The following LRP5 variants were observed in gnomAD, a reference collection of about 807,000 sequenced individuals.
LRP5 encodes the protein low-density lipoprotein receptor-related protein 5.
A neutral mutation model predicts 154.1 loss-of-function variants in LRP5; 62 were observed. That is an observed-to-expected ratio of 0.40 (90% CI 0.33 to 0.50). The LOEUF is 0.50. Among genes scored for constraint, LRP5 ranks in the 20% least tolerant of loss-of-function variants. The pLI is 0.55. For synonymous variants in LRP5, 966 were observed against 1,011.5 expected (o/e 0.96, Z 0.85); for missense variants, 1,915 against 2,336.7 (o/e 0.82, Z 3.72).
chr11:68,326,001 G>C (rs1455623619), intron 1 of LRP5, among the ~76,000 whole-genome samples: 1 of 152,242 alleles, frequency 6.6e-6, no homozygotes, highest in Non-Finnish European at 1.5e-5. Flanking sequence ...CTGAGAGGCT[G>C]CTTGGCCGAA....
chr11:68,307,389 G>A, the LRP5 span, among the ~76,000 whole-genome samples: 4 of 151,992 alleles, frequency 2.6e-5, no homozygotes, highest in Admixed American at 6.6e-5. Context: ...ATTATAGGCC[G>A]GGGGGTGGCT....
chr11:68,355,552 C>T (rs2098622491), intron 2 of LRP5, among the ~76,000 whole-genome samples: 1 of 152,210 alleles, frequency 6.6e-6, no homozygotes, highest in Non-Finnish European at 1.5e-5. Context: ...CCCCTCTGGT[C>T]TCCGCTGAGA....
In LRP5 at chr11:68,386,175, G is replaced by A. The variant is rs569496969; in HGVS notation, c.1016-141G>A. On this transcript the variant is annotated intron_variant, in intron 5 of 22. Coordinates refer to ENST00000294304, the MANE Select transcript of LRP5 (RefSeq NM_002335.4). This position sits in a 1 kb window ranked among gnomAD's most constrained non-coding sequence, Gnocchi z 7.9. ...TGACCATGTAGCATGGGCTGGGTGC[G>A]TGTCACCTAACATCACCAGCCTTTG... is the stretch of plus-strand genomic sequence containing the variant. 60 of 959,076 alleles carry A rather than the reference G, an allele frequency of 6.3e-5. No homozygotes were observed. Among genetic ancestry groups the A allele is most frequent in the South Asian group, 3.5e-4 (25 of 71,632 alleles). 59.4% of individuals were successfully genotyped at this position (959,076 alleles called of 1,614,324 possible).
intron 7 of LRP5, among the ~76,000 whole-genome samples, chr11:68,395,619 C>CA (rs762891504): frequency 1.3e-5 from 2 of 152,122 alleles, no homozygotes; most frequent in Non-Finnish European, 2.9e-5. Flanking sequence ...TAAGCGTTTT[C>CA]AGACTACCTC....
intron 1 of LRP5, among the ~76,000 whole-genome samples, chr11:68,313,631 T>G (rs188878870): frequency 6.6e-6 from 1 of 152,332 alleles, no homozygotes; most frequent in Admixed American, 6.5e-5. Flanking sequence ...TTCTTTTAAT[T>G]TGGAGATTGC....
intron 5 of LRP5, among the ~76,000 whole-genome samples, chr11:68,378,425 C>T (rs1428623946): frequency 6.6e-6 from 1 of 152,046 alleles, no homozygotes; most frequent in Admixed American, 6.5e-5. Flanking sequence ...AATGAGCCGT[C>T]GGTACCCACA....
intron 7 of LRP5, among the ~76,000 whole-genome samples, chr11:68,400,440 C>T (rs1419237679): frequency 6.6e-6 from 1 of 152,140 alleles, no homozygotes; most frequent in Non-Finnish European, 1.5e-5. Flanking sequence ...GACCTCTGAG[C>T]TGGGCGCGGT....
chr11:68,371,066 C>T (rs920482966), intron 5 of LRP5, among the ~76,000 whole-genome samples: 2 of 152,076 alleles, frequency 1.3e-5, no homozygotes, highest in African/African-American at 2.4e-5. Context: ...GGCTGGTGCT[C>T]GGTGTGGATG....
chr11:68,435,709 C>G (rs1181233087), intron 18 of LRP5, among the ~76,000 whole-genome samples: 1 of 152,164 alleles, frequency 6.6e-6, no homozygotes, highest in Non-Finnish European at 1.5e-5. Flanking sequence ...CTATGCCATG[C>G]CATGCCATGC....
chr11:68,302,641 G>A, the LRP5 span, among the ~76,000 whole-genome samples: 1 of 152,238 alleles, frequency 6.6e-6, no homozygotes, highest in African/African-American at 2.4e-5. Context: ...AGGAGAGAGA[G>A]GCTTGGGGAC....
chr11:68,440,773 C>A (rs1201145609), intron 21 of LRP5, among the ~76,000 whole-genome samples: 1 of 148,940 alleles, frequency 6.7e-6, no homozygotes, highest in Non-Finnish European at 1.5e-5. Context: ...TTTTCTTTTT[C>A]TTTTTTTTTT....
intron 8 of LRP5, chr11:68,404,173 T>C: frequency 2.2e-6 from 1 of 445,246 alleles, no homozygotes; most frequent in African/African-American, 2.0e-5. Flanking sequence ...TTCAGGACGC[T>C]CCCCGAGGAG....
chr11:68,369,351 ACT>A, intron 5 of LRP5, among the ~76,000 whole-genome samples: 1 of 152,080 alleles, frequency 6.6e-6, no homozygotes. Flanking sequence ...CTGCCTAAAC[ACT>A]GTGTTGCATC....
the LRP5 span, among the ~76,000 whole-genome samples, chr11:68,305,722 C>A: frequency 6.6e-6 from 1 of 152,160 alleles, no homozygotes; most frequent in African/African-American, 2.4e-5. Context: ...GGATTACAGG[C>A]GTGAGCCACC....
chr11:68,341,045 C>T (rs1007287225), intron 1 of LRP5, among the ~76,000 whole-genome samples: 3 of 83,570 alleles, frequency 3.6e-5, no homozygotes, highest in East Asian at 2.2e-4. Flanking sequence ...TTACCCCTGC[C>T]GCTGGAGATT....
intron 7 of LRP5, among the ~76,000 whole-genome samples, chr11:68,403,144 C>G (rs1591283955): frequency 6.6e-6 from 1 of 152,148 alleles, no homozygotes; most frequent in East Asian, 1.9e-4. Context: ...ACTCGGGAGG[C>G]TGAGGCAGGA....
chr11:68,412,905 C>G (rs1364104396), intron 11 of LRP5: 1 of 169,728 alleles, frequency 5.9e-6, no homozygotes, highest in Non-Finnish European at 1.3e-5. Context: ...GTGGTTGTGC[C>G]CATTTTACAG....
At chr11:68,361,832 CA>C (rs1273349177) in intron 3 of LRP5, among the ~76,000 whole-genome samples, 2 of 151,970 alleles carry the variant, frequency 1.3e-5, no homozygotes, top group East Asian at 1.9e-4. Flanking sequence ...AGAAAACAAA[CA>C]AAAAAGACAA....
intron 7 of LRP5, among the ~76,000 whole-genome samples, chr11:68,399,268 A>G (rs2098651300): frequency 6.6e-6 from 1 of 151,714 alleles, no homozygotes; most frequent in African/African-American, 2.4e-5. Context: ...CTACTTAGGC[A>G]TCTGAGGTGG....
Sources: allele counts gnomAD v4.1 joint callset (sites outside exome capture counted in the v4.1 genomes callset), GRCh38; gene constraint gnomAD v4.1.1; non-coding constraint Gnocchi (gnomAD v3.1); transcripts MANE v1.5; gene names NCBI Gene and HGNC (gene_info 2026-07-23, HGNC 2026-07-21).